The following VPS4B variants were observed in gnomAD, a reference collection of about 807,000 sequenced individuals.
VPS4B encodes vacuolar protein sorting 4 homolog B, also known as vacuolar protein sorting-associated protein 4B.
In VPS4B, 23 loss-of-function variants were observed where a neutral mutation model predicts 56.1. The observed-to-expected ratio is 0.41, with a 90% CI of 0.30 to 0.58. The LOEUF (loss-of-function observed/expected upper bound fraction) is 0.58, where lower values mean the gene tolerates loss of function less well. VPS4B is among the 20% of genes least tolerant of loss of function. VPS4B has a pLI of 0.29. For synonymous variants in VPS4B, 177 were observed against 186.0 expected, an observed-to-expected ratio of 0.95 and a Z score of 0.39; for missense variants, 372 against 531.9, an observed-to-expected ratio of 0.70 and a Z score of 2.96.
intron 1 of VPS4B, among the ~76,000 whole-genome samples, chr18:63,413,836 C>T (rs557317219): frequency 6.6e-6 from 1 of 152,186 alleles, no homozygotes; most frequent in Non-Finnish European, 1.5e-5. Context: ...AGGAACAGGT[C>T]TCCCGCTGGA....
chr18:63,410,418 T>C lies in VPS4B; in HGVS notation c.168A>G (p.Gln56=), dbSNP rs1271720427. ...ATTCTGTACACTTTGCCCTGATACT[T>C]TGCTTGGCTTTATCACCCTGTGCTT... is the stretch of plus-strand genomic sequence containing the variant. ...KYEAQGDKAK[Q]SIRAKCTEYL... The change falls in exon 3 of 11, where the codon CAA becomes CAG. Residue 56 remains glutamine, a synonymous_variant. Coordinates refer to ENST00000238497, the MANE Select transcript of VPS4B (RefSeq NM_004869.4). 6.2e-7 allele frequency: 1 copy of C among 1,613,548 alleles called. No homozygotes were observed. The highest frequency in any genetic ancestry group is 8.5e-7 in the Non-Finnish European group (1 of 1,180,026).
chr18:63,402,701 G>A (rs980706093), intron 5 of VPS4B, among the ~76,000 whole-genome samples: 10 of 152,182 alleles, frequency 6.6e-5, no homozygotes, highest in African/African-American at 2.4e-4. Context: ...ACCATAAAAT[G>A]AGTTCAACCA....
intron 1 of VPS4B, chr18:63,416,511 T>A (rs1177460010): frequency 6.6e-6 from 1 of 152,274 alleles, no homozygotes; most frequent in Non-Finnish European, 1.5e-5. Context: ...CTGAATATAA[T>A]CCTCACCATC....
chr18:63,395,463 GA>G (rs1915649325), intron 9 of VPS4B, among the ~76,000 whole-genome samples: 1 of 152,066 alleles, frequency 6.6e-6, no homozygotes, highest in Admixed American at 6.6e-5. Context: ...TTTTAGAAAT[GA>G]TAAAAATGAG....
At chr18:63,421,869 A>G (rs28738679) in intron 1 of VPS4B, among the ~76,000 whole-genome samples, 6,111 of 152,258 alleles carry the variant, frequency 0.04, 409 homozygotes, top group African/African-American at 0.14. Flanking sequence ...CTAAGACCGA[A>G]CTATGACCAC....
chr18:63,393,739 CT>C lies in VPS4B; in HGVS notation c.1093-191del, dbSNP rs1283006165. The stretch of plus-strand genomic sequence containing the variant: ...TGGGTAATGGGATAGATTTTGGTTG[CT>C]TTTAGTTTTTTTTTTGAAAGGGCGT... On this transcript the variant is annotated intron_variant, in intron 9 of 10. Transcript: ENST00000238497. Among the ~76,000 whole-genome samples the C allele has an allele frequency of 7.9e-5, 12 of 151,798 alleles. No homozygotes were observed. In the East Asian group the frequency reaches 1.9e-3, roughly 24 times the overall value.
intron 1 of VPS4B, among the ~76,000 whole-genome samples, chr18:63,413,626 G>A (rs1375319971): frequency 6.6e-6 from 1 of 151,844 alleles, no homozygotes; most frequent in Admixed American, 6.6e-5. Context: ...GGTTAATTTA[G>A]GTAGTAAAAC....
At chr18:63,409,733 T>G (rs1424127772) in intron 3 of VPS4B, among the ~76,000 whole-genome samples, 1 of 152,192 alleles carries the variant, frequency 6.6e-6, no homozygotes, top group African/African-American at 2.4e-5. Flanking sequence ...AATGACAACA[T>G]AAAGCAAATC....
chr18:63,409,104 T>G (rs1915977448), intron 3 of VPS4B, among the ~76,000 whole-genome samples: 2 of 152,272 alleles, frequency 1.3e-5, no homozygotes, highest in South Asian at 4.1e-4. Flanking sequence ...GACTATCATC[T>G]GATTTTTGTT....
chr18:63,398,651 A>G (rs1915738411), intron 8 of VPS4B, among the ~76,000 whole-genome samples: 1 of 152,106 alleles, frequency 6.6e-6, no homozygotes, highest in Admixed American at 6.6e-5. Context: ...TCCTGGCCAC[A>G]TGATGAAATC....
chr18:63,422,267 T>C lies in VPS4B; in HGVS notation c.-8A>G. 3 of 1,504,824 alleles carry C rather than the reference T, an allele frequency of 2.0e-6. No individual in the cohort carries two copies. The highest frequency in any genetic ancestry group is 2.3e-5 in the Admixed American group (1 of 43,580). 93.2% of individuals were successfully genotyped at this position (1,504,824 alleles called of 1,614,324 possible). A position where few individuals can be genotyped will look rare whatever the true frequency, so the allele number is the denominator to read the frequency against. On this transcript the variant is annotated 5_prime_UTR_variant, in exon 1 of 11. Transcript: ENST00000238497. ...GGGCGAAGTGGATGACATGGCGGAG[T>C]TCCCAGGCGGTTCCCAAGGGAACGA...
At chr18:63,401,611 G>A (rs563667806) in intron 5 of VPS4B, among the ~76,000 whole-genome samples, 8 of 152,092 alleles carry the variant, frequency 5.3e-5, no homozygotes, top group Non-Finnish European at 1.2e-4. Context: ...TCAACTCTTC[G>A]AGCCTCAATT....
chr18:63,403,165 T>G (rs1915849600), intron 5 of VPS4B, among the ~76,000 whole-genome samples: 3 of 152,256 alleles, frequency 2.0e-5, no homozygotes, highest in Non-Finnish European at 2.9e-5. Context: ...TGTTAAGTGA[T>G]TCTTACTCCT....
intron 3 of VPS4B, among the ~76,000 whole-genome samples, chr18:63,409,928 C>T (rs1282632007): frequency 6.6e-6 from 1 of 152,172 alleles, no homozygotes; most frequent in East Asian, 1.9e-4. Context: ...AGCATTCTCT[C>T]CTCCTACTAG....
intron 8 of VPS4B, among the ~76,000 whole-genome samples, chr18:63,398,190 T>TACACACACAC (rs967159935): frequency 5.3e-5 from 7 of 132,782 alleles, no homozygotes; most frequent in African/African-American, 1.8e-4. Context: ...TATACATATA[T>TACACACACAC]ACACACACAC....
chr18:63,411,900 A>T (rs1390704655), intron 1 of VPS4B, among the ~76,000 whole-genome samples: 1 of 152,156 alleles, frequency 6.6e-6, no homozygotes, highest in Non-Finnish European at 1.5e-5. Context: ...TAGGGCTAAT[A>T]AGAAATAATA....
intron 1 of VPS4B, among the ~76,000 whole-genome samples, chr18:63,414,184 C>A (rs1017727996): frequency 2.0e-5 from 3 of 151,816 alleles, no homozygotes; most frequent in East Asian, 3.9e-4. Context: ...GAGTTCGAGA[C>A]CAGCCTGGCC....
At chr18:63,398,913 G>C (rs1355445109) in intron 8 of VPS4B, among the ~76,000 whole-genome samples, 2 of 151,920 alleles carry the variant, frequency 1.3e-5, no homozygotes, top group African/African-American at 4.8e-5. Context: ...TATATAAATG[G>C]TTTTTACTGA....
chr18:63,417,101 A>C (rs1916185007), intron 1 of VPS4B, among the ~76,000 whole-genome samples: 1 of 152,144 alleles, frequency 6.6e-6, no homozygotes, highest in African/African-American at 2.4e-5. Flanking sequence ...GAATGAAAAA[A>C]AAAATTCCCT....
Sources: allele counts gnomAD v4.1 joint callset (sites outside exome capture counted in the v4.1 genomes callset), GRCh38; gene constraint gnomAD v4.1.1; transcripts MANE v1.5; gene names NCBI Gene and HGNC (gene_info 2026-07-23, HGNC 2026-07-21).